Variants in VAT1L observed in about 807,000 individuals in gnomAD.
VAT1L encodes the protein putative NADPH-dependent quinone oxidoreductase VAT1L.
A neutral mutation model predicts 44.1 loss-of-function variants in VAT1L; 34 were observed. The ratio of observed to expected loss-of-function variants is 0.77; its 90% CI spans 0.59 to 1.03. The LOEUF is 1.03. Among genes scored for constraint, VAT1L ranks in the 50% least tolerant of loss-of-function variants. The pLI is 0.00. For missense variants in VAT1L, 615 were observed against 538.8 expected, an observed-to-expected ratio of 1.14 and a Z score of -1.40; for synonymous variants, 253 against 202.2, an observed-to-expected ratio of 1.25 and a Z score of -2.13.
Position 77,884,296 on chromosome 16 carries a change from C to T in VAT1L, c.883-312C>T, listed in dbSNP as rs577953261. Among the ~76,000 whole-genome samples the T allele has an allele frequency of 5.9e-4, 89 of 152,088 alleles. No individual in the cohort carries two copies. Among genetic ancestry groups the T allele is most frequent in the African/African-American group, 2.1e-3 (86 of 41,508 alleles). ...AAAATTAGCTGGGCATGGTCGTGGGCGCCTGTAATCCCAGCTACTCGGGAG... is the reference window on the plus strand; with the variant it reads ...AAAATTAGCTGGGCATGGTCGTGGGTGCCTGTAATCCCAGCTACTCGGGAG... On this transcript the variant is annotated intron_variant, in intron 6 of 8. Coordinates refer to ENST00000302536, the MANE Select transcript of VAT1L (RefSeq NM_020927.3). This position sits in a 1 kb window ranked among gnomAD's most constrained non-coding sequence, Gnocchi z 4.5.
chr16:77,950,353 G>A (rs1334479957), intron 7 of VAT1L, among the ~76,000 whole-genome samples: 1 of 150,060 alleles, frequency 6.7e-6, no homozygotes, highest in Non-Finnish European at 1.5e-5. Flanking sequence ...AGGTTGCAGT[G>A]AGCTGAGAGC....
intron 2 of VAT1L, 95 bp downstream of exon 2, chr16:77,817,145 G>T: frequency 3.3e-6 from 5 of 1,498,804 alleles, no homozygotes; most frequent in Non-Finnish European, 4.5e-6. Context: ...AATAACCTAT[G>T]GCGTGCATTA....
At chr16:77,850,351 T>C (rs2016796328) in intron 3 of VAT1L, among the ~76,000 whole-genome samples, 2 of 152,176 alleles carry the variant, frequency 1.3e-5, no homozygotes. Context: ...GGCTATCAGT[T>C]CAGAGTAACC....
intron 7 of VAT1L, among the ~76,000 whole-genome samples, chr16:77,913,075 T>C (rs2017515625): frequency 6.6e-6 from 1 of 152,176 alleles, no homozygotes; most frequent in Non-Finnish European, 1.5e-5. Flanking sequence ...GTCATAGGCA[T>C]TCAGTCTATA....
intron 7 of VAT1L, chr16:77,892,967 C>T (rs2017283937): frequency 1.3e-6 from 1 of 750,972 alleles, no homozygotes; most frequent in African/African-American, 1.7e-5. Context: ...ATCTGTAGCT[C>T]AGGAGGGTAC....
At chr16:77,956,223 ATTAAAAATT>A (rs1221005282) in intron 7 of VAT1L, among the ~76,000 whole-genome samples, 1 of 152,154 alleles carries the variant, frequency 6.6e-6, no homozygotes, top group Non-Finnish European at 1.5e-5. Flanking sequence ...ACCCACAAAG[ATTAAAAATT>A]TTAAAAATTT....
chr16:77,970,882 T>C (rs1447995039), intron 7 of VAT1L, among the ~76,000 whole-genome samples: 1 of 152,262 alleles, frequency 6.6e-6, no homozygotes, highest in African/African-American at 2.4e-5. Flanking sequence ...TGTATCTTAC[T>C]TTTTAATTTT....
chr16:77,953,802 G>C (rs1002150106), intron 7 of VAT1L, among the ~76,000 whole-genome samples: 1 of 152,024 alleles, frequency 6.6e-6, no homozygotes, highest in Non-Finnish European at 1.5e-5. Flanking sequence ...AGCCTGATTT[G>C]CATGTCTTAA....
chr16:77,974,449 T>C (rs1267634649), intron 8 of VAT1L, among the ~76,000 whole-genome samples: 2 of 152,210 alleles, frequency 1.3e-5, no homozygotes, highest in African/African-American at 2.4e-5. Context: ...GGAAGGCCTG[T>C]CTTACCAAGG....
chr16:77,969,034 G>T (rs981473426), intron 7 of VAT1L, among the ~76,000 whole-genome samples: 1 of 152,070 alleles, frequency 6.6e-6, no homozygotes, highest in African/African-American at 2.4e-5. Flanking sequence ...GGCCAGGCTG[G>T]TCTTGAACTC....
chr16:77,935,785 C>A (rs1281381140), intron 7 of VAT1L, among the ~76,000 whole-genome samples: 2 of 152,158 alleles, frequency 1.3e-5, no homozygotes, highest in Non-Finnish European at 2.9e-5. Flanking sequence ...GCATAAACTA[C>A]CTGTGTGACC....
In VAT1L at chr16:77,833,290, C is replaced by T. The variant is rs1007869353; in HGVS notation, c.579+7829C>T. Among the ~76,000 whole-genome samples the T allele has an allele frequency of 3.3e-5, 5 of 152,070 alleles. No individual in the cohort carries two copies. The East Asian group carries it at 7.7e-4, about 24-fold the overall frequency. On this transcript the variant is annotated intron_variant, in intron 3 of 8. Transcript: ENST00000302536. ...ATGGATAACTTTGCCAAGTGCTACA[C>T]CAGGGAGATACAAGGTGATATGAGT... is the stretch of plus-strand genomic sequence containing the variant.
intron 7 of VAT1L, among the ~76,000 whole-genome samples, chr16:77,927,362 G>C (rs7500920): frequency 0.038 from 5,733 of 151,302 alleles, 199 homozygotes; most frequent in East Asian, 0.16. Context: ...ACACTGTTGG[G>C]AGGGCTTTGC....
intron 3 of VAT1L, among the ~76,000 whole-genome samples, chr16:77,858,632 T>C (rs2016884844): frequency 6.6e-6 from 1 of 151,694 alleles, no homozygotes; most frequent in South Asian, 2.1e-4. Context: ...CAGCCAGGAG[T>C]GAAGCAGATC....
intron 7 of VAT1L, among the ~76,000 whole-genome samples, chr16:77,956,402 T>C (rs2018103785): frequency 1.3e-5 from 2 of 152,168 alleles, no homozygotes; most frequent in Non-Finnish European, 2.9e-5. Context: ...ACTTACCTCA[T>C]TGGGTTGATG....
chr16:77,964,022 G>A (rs1453293167), intron 7 of VAT1L, among the ~76,000 whole-genome samples: 1 of 152,050 alleles, frequency 6.6e-6, no homozygotes, highest in Non-Finnish European at 1.5e-5. Flanking sequence ...CCCAGGATCT[G>A]GCCGCTGCCT....
intron 4 of VAT1L, among the ~76,000 whole-genome samples, chr16:77,873,322 T>G (rs1245587436): frequency 6.6e-6 from 1 of 152,242 alleles, no homozygotes; most frequent in Non-Finnish European, 1.5e-5. Context: ...TTAAAATGCC[T>G]GCCTCATAGG....
intron 3 of VAT1L, among the ~76,000 whole-genome samples, chr16:77,861,286 C>T (rs953751002): frequency 5.9e-5 from 9 of 152,210 alleles, no homozygotes; most frequent in Non-Finnish European, 1.3e-4. Flanking sequence ...AGAGACAACA[C>T]TTGGCTTTAG....
intron 3 of VAT1L, among the ~76,000 whole-genome samples, chr16:77,851,478 G>A (rs761274294): frequency 6.6e-6 from 1 of 152,038 alleles, no homozygotes. Context: ...GTGAGACCCT[G>A]TCTCTACAAA....
Sources: allele counts gnomAD v4.1 joint callset (sites outside exome capture counted in the v4.1 genomes callset), GRCh38; gene constraint gnomAD v4.1.1; non-coding constraint Gnocchi (gnomAD v3.1); transcripts MANE v1.5; gene names NCBI Gene and HGNC (gene_info 2026-07-23, HGNC 2026-07-21).